TLN2: variants seen among roughly 807,000 people sequenced by gnomAD.
TLN2 encodes talin 2, also known as talin-2.
TLN2 carries 118 observed loss-of-function variants against 294.7 expected under a neutral mutation model. The observed-to-expected ratio is 0.40, with a 90% confidence interval of 0.34 to 0.47. TLN2 has a LOEUF of 0.47. TLN2 is among the 20% of genes least tolerant of loss of function. TLN2 has a pLI of 0.84. For synonymous variants in TLN2, 1,431 were observed against 1,304.5 expected (o/e 1.10, Z -2.09); for missense variants, 3,083 against 3,282.2 (o/e 0.94, Z 1.48).
chr15:62,770,037 G>A (rs2063252072), intron 41 of TLN2, among the ~76,000 whole-genome samples: 1 of 152,214 alleles, frequency 6.6e-6, no homozygotes, highest in Non-Finnish European at 1.5e-5. Context: ...TGCTCCCACA[G>A]CAGCAGGACT....
chr15:62,401,374 T>C (rs1291271228), intron 1 of TLN2, among the ~76,000 whole-genome samples: 1 of 152,190 alleles, frequency 6.6e-6, no homozygotes, highest in Non-Finnish European at 1.5e-5. Flanking sequence ...CCTTGAATGT[T>C]TTTCTAGTGA....
chr15:62,421,939 G>T (rs574046562), intron 1 of TLN2, among the ~76,000 whole-genome samples: 1 of 152,062 alleles, frequency 6.6e-6, no homozygotes, highest in South Asian at 2.1e-4. Flanking sequence ...CATTGGATAA[G>T]ATTTTAGGGA....
chr15:62,760,116 A>G (rs1397134518), intron 37 of TLN2, among the ~76,000 whole-genome samples: 1 of 152,172 alleles, frequency 6.6e-6, no homozygotes, highest in Non-Finnish European at 1.5e-5. Context: ...AAGGGTTTCC[A>G]TTGGGCCTGG....
At chr15:62,424,507 G>T (rs576238359) in intron 1 of TLN2, among the ~76,000 whole-genome samples, 80 of 152,278 alleles carry the variant, frequency 5.3e-4, no homozygotes, top group African/African-American at 1.8e-3. Flanking sequence ...TGCATCTCTT[G>T]CTTTCTCCTG....
At chr15:62,768,268 C>G (rs1231252552) in intron 41 of TLN2, among the ~76,000 whole-genome samples, 1 of 152,204 alleles carries the variant, frequency 6.6e-6, no homozygotes, top group Non-Finnish European at 1.5e-5. Flanking sequence ...GGTGGCAGGG[C>G]TGTGCAGTCT....
At chr15:62,742,072 T>TGTGTGTGA (rs1272145437) in intron 32 of TLN2, among the ~76,000 whole-genome samples, 6,689 of 142,092 alleles carry the variant, frequency 0.047, 321 homozygotes, top group Non-Finnish European at 0.059. Flanking sequence ...TGTGTGTGTG[T>TGTGTGTGA]GTGAAGGGTT....
chr15:62,650,215 C>T, intron 5 of TLN2, 34 bp downstream of exon 5: 2 of 1,607,372 alleles, frequency 1.2e-6, no homozygotes, highest in Admixed American at 1.7e-5. Flanking sequence ...TTTCTTCATC[C>T]CTTTGTCCCT....
chr15:62,813,137 G>A (rs1164850318), intron 52 of TLN2, among the ~76,000 whole-genome samples: 1 of 152,232 alleles, frequency 6.6e-6, no homozygotes, highest in Non-Finnish European at 1.5e-5. Flanking sequence ...ATTGCACTTT[G>A]TGGCCAGACG....
intron 48 of TLN2, among the ~76,000 whole-genome samples, chr15:62,798,572 T>C (rs1471656419): frequency 6.6e-6 from 1 of 151,810 alleles, no homozygotes; most frequent in Middle Eastern, 3.2e-3. Context: ...AAAAAACCTC[T>C]GTTCTCTCTG....
chr15:62,581,360 A>G (rs28704520), intron 1 of TLN2, among the ~76,000 whole-genome samples: 41,476 of 152,068 alleles, frequency 0.27, 5,795 homozygotes, highest in Middle Eastern at 0.31. Context: ...ATAGTATTCT[A>G]TTGTGTACAT....
chr15:62,708,420 G>A, intron 20 of TLN2, 82 bp from the exon 21 acceptor site: 1 of 1,461,844 alleles, frequency 6.8e-7, no homozygotes, highest in Admixed American at 1.8e-5. Context: ...AGCAGGAAGG[G>A]CTTTGATGGG....
At chr15:62,787,109 TG>T (rs1567605223) in intron 45 of TLN2, among the ~76,000 whole-genome samples, 1 of 152,156 alleles carries the variant, frequency 6.6e-6, no homozygotes, top group Non-Finnish European at 1.5e-5. Context: ...TTGCCCAGGC[TG>T]GTCTCAACCT....
At chr15:62,578,745 C>T (rs1447976968) in intron 1 of TLN2, among the ~76,000 whole-genome samples, 2 of 152,140 alleles carry the variant, frequency 1.3e-5, no homozygotes, top group Non-Finnish European at 2.9e-5. Flanking sequence ...GTGTGCTGTG[C>T]TCGTGTGTCC....
chr15:62,509,011 C>T (rs1192261013), intron 1 of TLN2, among the ~76,000 whole-genome samples: 1 of 152,162 alleles, frequency 6.6e-6, no homozygotes, highest in Non-Finnish European at 1.5e-5. Context: ...CCTAACATTC[C>T]TATGAGGTAG....
intron 44 of TLN2, among the ~76,000 whole-genome samples, chr15:62,782,839 G>C (rs2064298949): frequency 6.6e-6 from 1 of 152,182 alleles, no homozygotes; most frequent in Non-Finnish European, 1.5e-5. Flanking sequence ...TTAAAATCAA[G>C]GTCTTAAAAG....
intron 1 of TLN2, among the ~76,000 whole-genome samples, chr15:62,548,431 A>G (rs1271862850): frequency 6.6e-6 from 1 of 152,230 alleles, no homozygotes; most frequent in Non-Finnish European, 1.5e-5. Context: ...AATAAAGACA[A>G]TGCATTGGCT....
intron 1 of TLN2, among the ~76,000 whole-genome samples, chr15:62,480,898 C>T (rs2038052184): frequency 6.6e-6 from 1 of 152,182 alleles, no homozygotes; most frequent in South Asian, 2.1e-4. Flanking sequence ...GGCTCTGCCT[C>T]AAGGTGGGAT....
chr15:62,540,029 G>C lies in TLN2; in HGVS notation c.-237-49658G>C, dbSNP rs540252274. Among the ~76,000 whole-genome samples the C allele has an allele frequency of 6.6e-5, 10 of 152,188 alleles. No individual in the cohort carries two copies. In the South Asian group the frequency reaches 2.1e-3, roughly 32 times the overall value. ...CAAACGAACTCATCACTGTGCCCCA[G>C]GGGTCCATTAAATATAAAAAATAAA... On this transcript the variant is annotated intron_variant, in intron 1 of 58. Transcript: ENST00000636159.
chr15:62,819,542 C>G lies in TLN2; in HGVS notation c.6798C>G (p.Phe2266Leu), dbSNP rs764058761. ...TTCTTCAGAAACCAACCCCAGAATT[C>G]AAGCAGCAGCTGGCCGCTTTCTCCA... ...LVILQKPTPE[F>L]KQQLAAFSKR... is the part of the protein sequence containing the mutation. The change falls in exon 53 of 59, where the codon TTC (phenylalanine) becomes TTG (leucine). Residue 2266 changes from phenylalanine (F) to leucine (L), a missense_variant. By Grantham distance (22) the Phe-to-Leu change is conservative. Transcript: ENST00000636159. 10 of 1,613,968 alleles carry G rather than the reference C, an allele frequency of 6.2e-6. No homozygotes were observed. In the African/African-American group the frequency reaches 1.3e-4, roughly 22 times the overall value.
Sources: gnomAD v4.1 joint callset for allele counts (sites outside exome capture counted in the v4.1 genomes callset) on GRCh38, gnomAD v4.1.1 for gene constraint, MANE v1.5 for transcripts, NCBI Gene and HGNC (gene_info 2026-07-23, HGNC 2026-07-21) for gene names.